HRH2: variants seen among roughly 807,000 people sequenced by gnomAD.
HRH2 encodes the protein histamine H2 receptor.
In HRH2, 4 loss-of-function variants were observed where a neutral mutation model predicts 20.1. The observed-to-expected ratio is 0.20, with a 90% CI of 0.10 to 0.45. HRH2 has a LOEUF of 0.45. Among genes scored for constraint, HRH2 ranks in the 20% least tolerant of loss-of-function variants. HRH2 has a pLI of 0.99. For missense variants in HRH2, 250 were observed against 461.6 expected (o/e 0.54, Z 4.20); for synonymous variants, 197 against 200.7 (o/e 0.98, Z 0.16).
At position 175,677,282 on chromosome 5, in the gene HRH2, C is replaced by T. The variant is rs1456589896; in HGVS notation, c.-525-5427C>T. ...GGGACTGCAGGTGTGAATCACTGCG[C>T]CCTGTTACTTTTTCTTTATGCAGTC... On this transcript the variant is annotated intron_variant, in intron 1 of 2. Transcript: ENST00000636584. This position sits in a 1 kb window ranked among gnomAD's most constrained non-coding sequence, Gnocchi z 4.2. 6.6e-6 allele frequency among the ~76,000 whole-genome samples: 1 copy of T among 152,242 alleles called. No homozygotes were observed. Among genetic ancestry groups the T allele is most frequent in the East Asian group, 1.9e-4 (1 of 5,200 alleles).
intron 2 of HRH2, among the ~76,000 whole-genome samples, chr5:175,692,208 C>T (rs571516666): frequency 2.4e-4 from 37 of 152,354 alleles, no homozygotes; most frequent in East Asian, 5.8e-4. Context: ...AGGGTGAAAG[C>T]AGCCACAGCC....
At position 175,683,114 on chromosome 5, in the gene HRH2, TG is replaced by T; in HGVS notation, c.-118del. Reference sequence around the variant, plus strand: ...GCCAAAAAAAAAAAAAAAAAAAAACTGGACACATTTTGGATCTGTTGGGAGC... The same window carrying T: ...GCCAAAAAAAAAAAAAAAAAAAAACTGACACATTTTGGATCTGTTGGGAGC... On this transcript the variant is annotated 5_prime_UTR_variant, in exon 2 of 3. Transcript: ENST00000636584. 1.5e-6 allele frequency: 1 copy of T among 660,150 alleles called. No homozygotes were observed. Among genetic ancestry groups the T allele is most frequent in the Non-Finnish European group, 2.2e-6 (1 of 455,844 alleles). The allele number at this position is 660,150 out of a possible 1,614,324, so 40.9% of individuals were successfully genotyped here. A position where few individuals can be genotyped will look rare whatever the true frequency, so the allele number is the denominator to read the frequency against.
At chr5:175,692,225 TA>T (rs1756407329) in intron 2 of HRH2, among the ~76,000 whole-genome samples, 1 of 152,254 alleles carries the variant, frequency 6.6e-6, no homozygotes, top group Admixed American at 6.5e-5. Flanking sequence ...AGCCCGTACA[TA>T]AATGGATGGA....
intron 2 of HRH2, among the ~76,000 whole-genome samples, chr5:175,689,892 C>G (rs879274496): frequency 9.8e-5 from 15 of 152,298 alleles, no homozygotes; most frequent in Admixed American, 8.5e-4. Context: ...CTGGTTTGGC[C>G]AGAAGTCAGG....
intron 1 of HRH2, among the ~76,000 whole-genome samples, chr5:175,669,189 CAGAG>C (rs1262444920): frequency 2.6e-5 from 4 of 151,970 alleles, no homozygotes; most frequent in Non-Finnish European, 4.4e-5. Context: ...CAAAGAGACA[CAGAG>C]AGGAGAGAAT....
At chr5:175,698,159 G>A (rs1295611885) in intron 2 of HRH2, among the ~76,000 whole-genome samples, 4 of 152,250 alleles carry the variant, frequency 2.6e-5, no homozygotes, top group East Asian at 3.8e-4. Flanking sequence ...ACAGGCTCAC[G>A]TTATGCACAC....
intron 2 of HRH2, among the ~76,000 whole-genome samples, chr5:175,701,913 G>T (rs548518719): frequency 6.6e-6 from 1 of 152,326 alleles, no homozygotes; most frequent in East Asian, 1.9e-4. Flanking sequence ...CTGGCTCAGG[G>T]CAAAGACGGG....
At chr5:175,667,582 TC>T (rs567497168) in intron 1 of HRH2, among the ~76,000 whole-genome samples, 3 of 151,948 alleles carry the variant, frequency 2.0e-5, no homozygotes, top group African/African-American at 7.3e-5. Flanking sequence ...GTTTTGGCTG[TC>T]CCCCCACATC....
At chr5:175,689,998 G>C (rs1297485649) in intron 2 of HRH2, among the ~76,000 whole-genome samples, 1 of 152,240 alleles carries the variant, frequency 6.6e-6, no homozygotes, top group African/African-American at 2.4e-5. Flanking sequence ...ACACGCTTCT[G>C]AAGAAGAGCT....
At position 175,681,093 on chromosome 5, in the gene HRH2, C is replaced by T. The variant is rs915178886; in HGVS notation, c.-525-1616C>T. Among the ~76,000 whole-genome samples, 2 of 152,264 alleles carry T rather than the reference C, an allele frequency of 1.3e-5. No homozygotes were observed. Among genetic ancestry groups the T allele is most frequent in the East Asian group, 1.9e-4 (1 of 5,190 alleles). The stretch of plus-strand genomic sequence containing the variant: ...CGGCTGTTGTGGTAACTCAGAAAAA[C>T]TTTGATGAGAAATAGGGATTCTCCA... On this transcript the variant is annotated intron_variant, in intron 1 of 2. Transcript: ENST00000636584. The surrounding 1 kb of genome is among the most constrained non-coding windows in gnomAD (Gnocchi z 4.3).
chr5:175,705,035 C>A (rs927706934), intron 2 of HRH2, among the ~76,000 whole-genome samples: 3 of 151,944 alleles, frequency 2.0e-5, no homozygotes, highest in Non-Finnish European at 4.4e-5. Flanking sequence ...ATGTGCAATA[C>A]CCTTGTTATA....
At chr5:175,689,727 G>A (rs1000756441) in intron 2 of HRH2, among the ~76,000 whole-genome samples, 7 of 152,226 alleles carry the variant, frequency 4.6e-5, no homozygotes, top group Non-Finnish European at 8.8e-5. Context: ...GAACCTCGGG[G>A]TGGGAACAGA....
At chr5:175,676,640 C>T (rs756131147) in intron 1 of HRH2, among the ~76,000 whole-genome samples, 10 of 152,196 alleles carry the variant, frequency 6.6e-5, no homozygotes, top group African/African-American at 9.7e-5. Context: ...AATTATGTAA[C>T]GTACATAGAT....
At chr5:175,698,989 C>T (rs1313906594) in intron 2 of HRH2, among the ~76,000 whole-genome samples, 1 of 152,250 alleles carries the variant, frequency 6.6e-6, no homozygotes, top group African/African-American at 2.4e-5. Context: ...CGCACTGCCC[C>T]TCAGTCTCTT....
chr5:175,678,793 G>A (rs1298279668), intron 1 of HRH2, among the ~76,000 whole-genome samples: 1 of 152,224 alleles, frequency 6.6e-6, no homozygotes, highest in Non-Finnish European at 1.5e-5. Flanking sequence ...ATTGTTGGCC[G>A]CTTGTGTGCA....
chr5:175,707,890 A>G lies in HRH2; in HGVS notation c.1188A>G (p.Leu396=), dbSNP rs1756995048. ...ACATGGGAGGCCCCTCGGAGGAGCT[A>G]TCGGGGGAGCCACTGTCTGAGGAGC... ...QRHMGGPSEE[L]SGEPLSEEPQ... The change falls in exon 3 of 3, where the codon CTA becomes CTG. Residue 396 remains leucine, a synonymous_variant. Coordinates refer to ENST00000636584, the MANE Select transcript of HRH2 (RefSeq NM_001367711.1). The G allele has an allele frequency of 2.5e-6, 1 of 399,044 alleles. No individual in the cohort carries two copies. Among genetic ancestry groups the G allele is most frequent in the South Asian group, 1.3e-4 (1 of 7,858 alleles). 24.7% of individuals were successfully genotyped at this position (399,044 alleles called of 1,614,324 possible).
chr5:175,702,521 A>G (rs541754737), intron 2 of HRH2, among the ~76,000 whole-genome samples: 1 of 150,656 alleles, frequency 6.6e-6, no homozygotes, highest in Non-Finnish European at 1.5e-5. Flanking sequence ...AAATCTGAGT[A>G]GCTATAAGCA....
intron 2 of HRH2, chr5:175,685,295 C>T (rs537278221): frequency 3.2e-6 from 3 of 948,856 alleles, no homozygotes; most frequent in African/African-American, 1.7e-5. Context: ...TGAGGAGAGA[C>T]AGCTTACTGG....
intron 1 of HRH2, among the ~76,000 whole-genome samples, chr5:175,659,772 G>T (rs1039583831): frequency 6.6e-6 from 1 of 152,196 alleles, no homozygotes; most frequent in South Asian, 2.1e-4. Flanking sequence ...CTGGCTTCTT[G>T]TTCCATGTGT....
Sources: allele counts gnomAD v4.1 joint callset (sites outside exome capture counted in the v4.1 genomes callset), GRCh38; gene constraint gnomAD v4.1.1; non-coding constraint Gnocchi (gnomAD v3.1); transcripts MANE v1.5; gene names NCBI Gene and HGNC (gene_info 2026-07-23, HGNC 2026-07-21).